Variants in R3HDM2 observed in about 807,000 individuals in gnomAD.
R3HDM2 encodes the protein R3H domain-containing protein 2.
Under a neutral mutation model 124.5 loss-of-function variants are expected in R3HDM2, and 38 were observed. The observed-to-expected ratio is 0.31, with a 90% confidence interval of 0.24 to 0.40. The LOEUF is 0.40. Among genes scored for constraint, R3HDM2 ranks in the 10% least tolerant of loss-of-function variants. The probability of loss-of-function intolerance (pLI) is 1.00; values close to 1 mark genes in which losing one functional copy is unlikely to be tolerated. For synonymous variants in R3HDM2, 391 were observed against 448.0 expected (o/e 0.87, Z 1.61); for missense variants, 869 against 1,236.9 (o/e 0.70, Z 4.46).
chr12:57,359,575 T>C (rs542866171), intron 2 of R3HDM2, among the ~76,000 whole-genome samples: 6 of 152,332 alleles, frequency 3.9e-5, no homozygotes, highest in African/African-American at 1.2e-4. Flanking sequence ...AGTCTGTGTA[T>C]TGAAATATAT....
intron 2 of R3HDM2, among the ~76,000 whole-genome samples, chr12:57,383,147 G>A (rs961925323): frequency 2.0e-5 from 3 of 151,812 alleles, no homozygotes; most frequent in Admixed American, 6.6e-5. Context: ...GAGCCACAGC[G>A]CCCAGCCAAA....
At chr12:57,430,489 G>GCCCCCCCCCCCCCC in intron 1 of R3HDM2, 5 of 790,572 alleles carry the variant, frequency 6.3e-6, no homozygotes, top group Non-Finnish European at 6.1e-6. Context: ...CCACCCCCCT[G>GCCCCCCCCCCCCCC]CCCCCGCACC....
intron 21 of R3HDM2, among the ~76,000 whole-genome samples, chr12:57,257,294 C>G (rs1476490250): frequency 4.6e-5 from 7 of 151,968 alleles, no homozygotes; most frequent in Non-Finnish European, 1.5e-5. Context: ...GTATTTTTTT[C>G]CCTCATTAAT....
chr12:57,256,966 C>G (rs1017356064), intron 21 of R3HDM2, among the ~76,000 whole-genome samples: 3 of 152,108 alleles, frequency 2.0e-5, no homozygotes, highest in Non-Finnish European at 4.4e-5. Context: ...CAAGCATGTG[C>G]CACCACGCCT....
At chr12:57,367,353 AGTGT>A (rs1426208950) in intron 2 of R3HDM2, among the ~76,000 whole-genome samples, 5 of 152,206 alleles carry the variant, frequency 3.3e-5, no homozygotes, top group Non-Finnish European at 5.9e-5. Flanking sequence ...AATTGTAGTT[AGTGT>A]AACTGAGGAA....
chr12:57,359,938 T>C (rs1356259854), intron 2 of R3HDM2, among the ~76,000 whole-genome samples: 2 of 149,978 alleles, frequency 1.3e-5, no homozygotes, highest in Admixed American at 6.7e-5. Flanking sequence ...AGTTGATTCT[T>C]GAACAATACA....
intron 1 of R3HDM2, among the ~76,000 whole-genome samples, chr12:57,405,865 A>G (rs961064958): frequency 6.6e-6 from 1 of 152,198 alleles, no homozygotes; most frequent in Non-Finnish European, 1.5e-5. Flanking sequence ...TGTCTGATCC[A>G]TGTTCAGAAA....
chr12:57,376,292 T>C (rs1338787341), intron 2 of R3HDM2, among the ~76,000 whole-genome samples: 2 of 152,202 alleles, frequency 1.3e-5, no homozygotes, highest in Non-Finnish European at 2.9e-5. Flanking sequence ...CAAACCCCAA[T>C]CAGGGCCTTC....
intron 2 of R3HDM2, among the ~76,000 whole-genome samples, chr12:57,386,956 A>C (rs1276242314): frequency 2.6e-5 from 4 of 151,440 alleles, no homozygotes; most frequent in Non-Finnish European, 5.9e-5. Flanking sequence ...CACCTTTGGC[A>C]CTCTGTATCT....
At chr12:57,401,717 C>T (rs2068069468) in intron 1 of R3HDM2, among the ~76,000 whole-genome samples, 1 of 152,212 alleles carries the variant, frequency 6.6e-6, no homozygotes, top group East Asian at 1.9e-4. Flanking sequence ...GGCACAGTGG[C>T]TCATGCCTGT....
intron 2 of R3HDM2, among the ~76,000 whole-genome samples, chr12:57,383,118 G>T (rs1217574996): frequency 1.3e-5 from 2 of 151,812 alleles, no homozygotes; most frequent in African/African-American, 4.8e-5. Context: ...GCCTCCCAAA[G>T]TTCTGGGATT....
intron 2 of R3HDM2, among the ~76,000 whole-genome samples, chr12:57,350,592 C>T (rs898263170): frequency 2.0e-4 from 31 of 152,208 alleles, no homozygotes; most frequent in African/African-American, 7.2e-4. Context: ...ATGATTGTAC[C>T]ACTGCACTCC....
intron 1 of R3HDM2, among the ~76,000 whole-genome samples, chr12:57,411,908 G>T (rs570116120): frequency 6.6e-6 from 1 of 152,308 alleles, no homozygotes; most frequent in African/African-American, 2.4e-5. Context: ...TTTCCCCCAT[G>T]CTGTTATTGT....
At chr12:57,430,494 C>G (rs1037204041) in intron 1 of R3HDM2, 32 of 941,272 alleles carry the variant, frequency 3.4e-5, no homozygotes, top group Non-Finnish European at 4.1e-5. Flanking sequence ...CCCCTGCCCC[C>G]GCACCGCCGC....
At chr12:57,321,115 G>T (rs983677536) in intron 2 of R3HDM2, among the ~76,000 whole-genome samples, 1 of 152,146 alleles carries the variant, frequency 6.6e-6, no homozygotes, top group African/African-American at 2.4e-5. Flanking sequence ...CATCCCTAAT[G>T]AGAAAATCTG....
intron 2 of R3HDM2, among the ~76,000 whole-genome samples, chr12:57,334,383 T>C (rs983706392): frequency 7.2e-5 from 11 of 152,218 alleles, no homozygotes; most frequent in African/African-American, 2.7e-4. Flanking sequence ...GTTTATGTTC[T>C]ATCTGTTCAT....
intron 2 of R3HDM2, among the ~76,000 whole-genome samples, chr12:57,312,500 G>A (rs1444681016): frequency 6.6e-6 from 1 of 152,068 alleles, no homozygotes. Flanking sequence ...TTCAGCAGCT[G>A]CCTGGAGACT....
chr12:57,375,002 AAAAT>A lies in R3HDM2; in HGVS notation c.-36+20743_-36+20746del, dbSNP rs564327942. 1.2e-3 allele frequency among the ~76,000 whole-genome samples: 179 copies of A among 151,476 alleles called. 1 individual carries two copies. The highest frequency in any genetic ancestry group is 4.1e-3 in the African/African-American group (168 of 41,364). On this transcript the variant is annotated intron_variant, in intron 2 of 23. Transcript: ENST00000402412. The stretch of plus-strand genomic sequence containing the variant: ...CAGAGCAAGACTCCATCTCAAAAAA[AAAAT>A]AAATAAATAAATAAATAAAATTGAA...
intron 2 of R3HDM2, among the ~76,000 whole-genome samples, chr12:57,366,478 C>A (rs1196020918): frequency 6.6e-6 from 1 of 152,140 alleles, no homozygotes; most frequent in Non-Finnish European, 1.5e-5. Flanking sequence ...AGATTTTGGT[C>A]ATTTTTATAT....
Sources: gnomAD v4.1 joint callset for allele counts (sites outside exome capture counted in the v4.1 genomes callset) on GRCh38, gnomAD v4.1.1 for gene constraint, MANE v1.5 for transcripts, NCBI Gene and HGNC (gene_info 2026-07-23, HGNC 2026-07-21) for gene names.